TPP2: variants seen among roughly 807,000 people sequenced by gnomAD.
The protein encoded by TPP2 is tripeptidyl-peptidase 2.
A neutral mutation model predicts 155.9 loss-of-function variants in TPP2; 34 were observed. That is an observed-to-expected ratio of 0.22 (90% CI 0.17 to 0.29). TPP2 has a LOEUF of 0.29. TPP2 is among the 10% of genes least tolerant of loss of function. The probability of loss-of-function intolerance (pLI) is 1.00; values close to 1 mark genes in which losing one functional copy is unlikely to be tolerated. For synonymous variants in TPP2, 510 were observed against 529.4 expected (o/e 0.96, Z 0.50); for missense variants, 1,028 against 1,522.3 (o/e 0.68, Z 5.40).
In TPP2 at chr13:102,657,076, C is replaced by T. The variant is rs1321775983; in HGVS notation, c.3012C>T (p.Tyr1004=). 1.3e-6 allele frequency: 2 copies of T among 1,591,264 alleles called. No homozygotes were observed. Among genetic ancestry groups the T allele is most frequent in the Non-Finnish European group, 1.7e-6 (2 of 1,173,320 alleles). Residue 1004 remains tyrosine (Y), a synonymous_variant, in exon 25 of 30, where the codon TAC becomes TAT. Coordinates refer to ENST00000376052, the MANE Select transcript of TPP2 (RefSeq NM_001330588.2). ...CGTAGGATGTAATCCCTGTTCATTA[C>T]TACTTAATACCTCCACCAACAAAGA... ...KFKKDVIPVH[Y]YLIPPPTKTK...
chr13:102,613,771 A>T (rs1377090105), intron 2 of TPP2, among the ~76,000 whole-genome samples: 3 of 152,240 alleles, frequency 2.0e-5, no homozygotes, highest in African/African-American at 4.8e-5. Flanking sequence ...AAAAGTTTAA[A>T]GTGTTTTAAA....
chr13:102,599,985 TTA>T (rs1879300690), intron 1 of TPP2, among the ~76,000 whole-genome samples: 1 of 84,020 alleles, frequency 1.2e-5, no homozygotes, highest in Non-Finnish European at 2.3e-5. Flanking sequence ...GTTAGATTCC[TTA>T]AAAAAAAAAA....
At chr13:102,633,852 G>C (rs944271155) in intron 10 of TPP2, 98 bp from the exon 11 acceptor site, 9 of 1,533,884 alleles carry the variant, frequency 5.9e-6, no homozygotes, top group Non-Finnish European at 8.0e-6. Flanking sequence ...TTAGTACATA[G>C]TGTTATACTA....
rs761494395 is a variant in TPP2, at chr13:102,649,069, C to T, written c.2791C>T (p.Leu931=). The T allele has an allele frequency of 1.9e-6, 3 of 1,613,528 alleles. No homozygotes were observed. Among genetic ancestry groups the T allele is most frequent in the Non-Finnish European group, 2.5e-6 (3 of 1,179,846 alleles). Residue 931 remains leucine, a synonymous_variant, in exon 22 of 30, where the codon CTA becomes TTA. Transcript: ENST00000376052. ...TCATGAAAATCATAGTTTTGCACTTCTAGGGAAGAAGAAATCAAGCAATTT... is the reference window on the plus strand; with the variant it reads ...TCATGAAAATCATAGTTTTGCACTTTTAGGGAAGAAGAAATCAAGCAATTT... ...DIHENHSFAL[L]GKKKSSNLTL...
intron 29 of TPP2, among the ~76,000 whole-genome samples, chr13:102,677,374 C>T (rs867173712): frequency 5.9e-5 from 9 of 152,070 alleles, no homozygotes; most frequent in Middle Eastern, 3.2e-3. Context: ...CCACTCTGCC[C>T]CCCCCGCTGC....
chr13:102,624,763 T>A (rs1353415956), intron 6 of TPP2, among the ~76,000 whole-genome samples: 1 of 152,102 alleles, frequency 6.6e-6, no homozygotes, highest in Non-Finnish European at 1.5e-5. Context: ...TGTTTTGGTA[T>A]CTGTCGACAT....
chr13:102,632,506 C>T (rs1882087236), intron 10 of TPP2, among the ~76,000 whole-genome samples: 1 of 152,128 alleles, frequency 6.6e-6, no homozygotes, highest in Non-Finnish European at 1.5e-5. Context: ...TCCGAAAGTG[C>T]TGGAATTACA....
intron 25 of TPP2, among the ~76,000 whole-genome samples, chr13:102,657,776 T>G (rs1423737390): frequency 6.6e-6 from 1 of 152,194 alleles, no homozygotes; most frequent in Non-Finnish European, 1.5e-5. Context: ...ATTTCCATCA[T>G]ATTGCATCTT....
At chr13:102,633,099 G>T (rs933194543) in intron 10 of TPP2, among the ~76,000 whole-genome samples, 1 of 152,212 alleles carries the variant, frequency 6.6e-6, no homozygotes, top group East Asian at 1.9e-4. Flanking sequence ...CAGCCTCTGT[G>T]GGGAATGTAT....
chr13:102,642,418 T>TTA (rs1882826512), intron 16 of TPP2, among the ~76,000 whole-genome samples: 1 of 152,126 alleles, frequency 6.6e-6, no homozygotes. Flanking sequence ...TAGGTTGGTA[T>TTA]TGAAAATAAT....
chr13:102,637,537 G>T (rs1177578816), intron 14 of TPP2, among the ~76,000 whole-genome samples: 1 of 101,748 alleles, frequency 9.8e-6, no homozygotes, highest in Non-Finnish European at 2.1e-5. Flanking sequence ...CAAAGCTGCA[G>T]TTGCTTGTTG....
chr13:102,597,033 G>T lies in TPP2; in HGVS notation c.-6G>T, dbSNP rs1178008485. On this transcript the variant is annotated 5_prime_UTR_variant, in exon 1 of 30. Transcript: ENST00000376052. ...TTGCCGCTTCCTCGTCCTCCATCCT[G>T]CGTCCATGGCCACCGCTGCGACTGA... 6 of 1,611,030 alleles carry T rather than the reference G, an allele frequency of 3.7e-6. No homozygotes were observed. The highest frequency in any genetic ancestry group is 1.1e-5 in the South Asian group (1 of 90,986).
intron 25 of TPP2, among the ~76,000 whole-genome samples, chr13:102,660,207 T>A (rs1200794035): frequency 6.6e-6 from 1 of 151,572 alleles, no homozygotes; most frequent in Non-Finnish European, 1.5e-5. Flanking sequence ...AAAAATGAAC[T>A]TGAAAAAAAT....
intron 27 of TPP2, among the ~76,000 whole-genome samples, chr13:102,669,157 A>C (rs545075993): frequency 2.0e-5 from 3 of 152,356 alleles, no homozygotes; most frequent in African/African-American, 7.2e-5. Context: ...ATGCTCTTCT[A>C]TAGCTGATTG....
chr13:102,641,153 A>G (rs773443855), intron 16 of TPP2, among the ~76,000 whole-genome samples: 1 of 152,212 alleles, frequency 6.6e-6, no homozygotes. Context: ...TAGTCCTGTG[A>G]GAGTGCTCAT....
In TPP2 at chr13:102,648,946, C is replaced by T. The variant is rs138691687; in HGVS notation, c.2668C>T (p.Leu890=). Residue 890 remains leucine (L), a synonymous_variant, in exon 22 of 30, where the codon CTA becomes TTA. Transcript: ENST00000376052. ...KLEKGDYTIR[L]QIRHEQISDL... ...GGAGAAAGGAGATTATACAATTCGACTACAGATTCGCCATGAGCAAATCAG... is the reference window on the plus strand; with the variant it reads ...GGAGAAAGGAGATTATACAATTCGATTACAGATTCGCCATGAGCAAATCAG... 12 of 1,610,272 alleles carry T rather than the reference C, an allele frequency of 7.5e-6. No individual in the cohort carries two copies. The African/African-American group carries it at 1.1e-4, about 14-fold the overall frequency.
chr13:102,627,391 G>A (rs1881699107), intron 7 of TPP2, among the ~76,000 whole-genome samples: 1 of 151,802 alleles, frequency 6.6e-6, no homozygotes. Context: ...CTTCATACTC[G>A]TCATTTCTAG....
chr13:102,679,604 T>C lies in TPP2; in HGVS notation c.*1288T>C, dbSNP rs1885504789. Reference sequence around the variant, plus strand: ...AGCGTTTATGAGAAACATAAATACATGTATAAGCATATTGGTCACACCTTC... The same window carrying C: ...AGCGTTTATGAGAAACATAAATACACGTATAAGCATATTGGTCACACCTTC... On this transcript the variant is annotated 3_prime_UTR_variant, in exon 30 of 30. Transcript: ENST00000376052. The C allele has an allele frequency of 6.6e-6, 1 of 152,246 alleles. No homozygotes were observed. The allele number at this position is 152,246 out of a possible 1,614,324, so 9.4% of individuals were successfully genotyped here. A position where few individuals can be genotyped will look rare whatever the true frequency, so the allele number is the denominator to read the frequency against.
intron 1 of TPP2, among the ~76,000 whole-genome samples, chr13:102,598,279 T>C (rs1159159135): frequency 1.3e-5 from 2 of 152,198 alleles, no homozygotes; most frequent in Non-Finnish European, 2.9e-5. Context: ...GGCTATCTTA[T>C]CCTCCTTTCT....
Sources: allele counts gnomAD v4.1 joint callset (sites outside exome capture counted in the v4.1 genomes callset), GRCh38; gene constraint gnomAD v4.1.1; transcripts MANE v1.5; gene names NCBI Gene and HGNC (gene_info 2026-07-23, HGNC 2026-07-21).